Variants in C1orf87 observed in about 807,000 individuals in gnomAD.
C1orf87 encodes the protein uncharacterized protein C1orf87.
C1orf87 carries 58 observed loss-of-function variants against 60.5 expected under a neutral mutation model. That is an observed-to-expected ratio of 0.96 (90% CI 0.78 to 1.19). The LOEUF (loss-of-function observed/expected upper bound fraction) is 1.19, where lower values mean the gene tolerates loss of function less well. Among genes scored for constraint, C1orf87 ranks in the 50% most tolerant of loss-of-function variants. The pLI is 0.00. For synonymous variants in C1orf87, 236 were observed against 227.4 expected (o/e 1.04, Z -0.34); for missense variants, 673 against 638.6 (o/e 1.05, Z -0.58).
At chr1:60,067,267 T>C (rs1645553186) in intron 2 of C1orf87, among the ~76,000 whole-genome samples, 1 of 152,162 alleles carries the variant, frequency 6.6e-6, no homozygotes, top group Admixed American at 6.5e-5. Flanking sequence ...TTGAACTAAT[T>C]TACACTCCCA....
At chr1:60,060,152 G>A (rs1447825791) in intron 2 of C1orf87, among the ~76,000 whole-genome samples, 2 of 147,748 alleles carry the variant, frequency 1.4e-5, no homozygotes, top group East Asian at 3.9e-4. Context: ...TTTAGTCTTC[G>A]AAAAGATCAA....
At chr1:60,027,115 C>G (rs1192551814) in intron 7 of C1orf87, among the ~76,000 whole-genome samples, 2 of 152,194 alleles carry the variant, frequency 1.3e-5, no homozygotes, top group Non-Finnish European at 2.9e-5. Context: ...GAAGCTCAGT[C>G]TAGTGCCTGT....
intron 3 of C1orf87, among the ~76,000 whole-genome samples, chr1:60,050,493 T>C (rs1021673116): frequency 2.6e-5 from 4 of 151,226 alleles, no homozygotes; most frequent in African/African-American, 9.7e-5. Context: ...GTGTTATTGA[T>C]TTTATAACTA....
intron 2 of C1orf87, among the ~76,000 whole-genome samples, chr1:60,070,184 A>C (rs1645574744): frequency 6.6e-6 from 1 of 152,204 alleles, no homozygotes; most frequent in Non-Finnish European, 1.5e-5. Context: ...GCAAGCTAAT[A>C]TAGTGGGCTG....
chr1:60,055,397 T>C lies in C1orf87; in HGVS notation c.149A>G (p.His50Arg). ...TGCATTATCAGTCATTGGTTTCTGGTGCATTGTTTGGGTTTCTGTTTTCAA... is the reference window on the plus strand; with the variant it reads ...TGCATTATCAGTCATTGGTTTCTGGCGCATTGTTTGGGTTTCTGTTTTCAA... Reference protein sequence around the residue: ...DSLKTETQTMHQKPMTDNARQ... With the variant: ...DSLKTETQTMRQKPMTDNARQ... The change falls in exon 3 of 12, where the codon CAC becomes CGC. Residue 50 changes from histidine (H) to arginine (R), a missense_variant. Physicochemically the swap from His to Arg is conservative, Grantham distance 29 (BLOSUM62 0). Coordinates refer to ENST00000371201, the MANE Select transcript of C1orf87 (RefSeq NM_152377.3). The C allele has an allele frequency of 1.2e-6, 2 of 1,614,154 alleles. No individual in the cohort carries two copies. The highest frequency in any genetic ancestry group is 1.7e-6 in the Non-Finnish European group (2 of 1,180,024).
chr1:60,051,831 C>T (rs79818819), intron 3 of C1orf87, among the ~76,000 whole-genome samples: 75 of 152,212 alleles, frequency 4.9e-4, no homozygotes, highest in Admixed American at 3.1e-3. Context: ...TAGAATTTAA[C>T]GGAATCTGTG....
intron 8 of C1orf87, among the ~76,000 whole-genome samples, chr1:60,021,494 G>A: frequency 6.6e-6 from 1 of 152,022 alleles, no homozygotes; most frequent in Middle Eastern, 3.2e-3. Flanking sequence ...CATGAGATAG[G>A]GACTGGGAAG....
In C1orf87 at chr1:60,045,605, A is replaced by G. The variant is rs77504890; in HGVS notation, c.343-4474T>C. Among the ~76,000 whole-genome samples, 438 of 152,342 alleles carry G rather than the reference A, an allele frequency of 2.9e-3. 9 individuals carry two copies. In the East Asian group the frequency reaches 0.061, roughly 21 times the overall value. ...ATTTATCCCCACATTACCCTCCACC[A>G]GAGATGAAGTGAGCCCAGACAGTGT... On this transcript the variant is annotated intron_variant, in intron 3 of 11. Coordinates refer to ENST00000371201, the MANE Select transcript of C1orf87 (RefSeq NM_152377.3).
intron 3 of C1orf87, among the ~76,000 whole-genome samples, chr1:60,052,076 C>T (rs755604611): frequency 2.0e-5 from 3 of 152,188 alleles, no homozygotes; most frequent in Non-Finnish European, 4.4e-5. Context: ...TGTGCCTTTA[C>T]CTACCTTGCA....
At chr1:60,026,780 C>CA in intron 7 of C1orf87, among the ~76,000 whole-genome samples, 1 of 152,068 alleles carries the variant, frequency 6.6e-6, no homozygotes, top group Non-Finnish European at 1.5e-5. Flanking sequence ...TCCAAAAATC[C>CA]AAAATCTGAA....
chr1:60,056,585 C>T (rs1645458387), intron 2 of C1orf87, among the ~76,000 whole-genome samples: 1 of 152,168 alleles, frequency 6.6e-6, no homozygotes, highest in Non-Finnish European at 1.5e-5. Flanking sequence ...ATTGTCTCAA[C>T]TGTGTAAAAG....
Position 60,060,171 on chromosome 1 carries a change from G to A in C1orf87, c.108-4733C>T, listed in dbSNP as rs187781535. Among the ~76,000 whole-genome samples the A allele has an allele frequency of 6.5e-4, 97 of 149,838 alleles. 1 individual carries two copies. The highest frequency in any genetic ancestry group is 2.4e-3 in the African/African-American group (96 of 40,796). ...GTCTTCGAAAAGATCAAAAAAATAT[G>A]TTCATTCAACTCCTGAACCTATACT... On this transcript the variant is annotated intron_variant, in intron 2 of 11. Coordinates refer to ENST00000371201, the MANE Select transcript of C1orf87 (RefSeq NM_152377.3).
intron 11 of C1orf87, among the ~76,000 whole-genome samples, chr1:59,991,736 T>C (rs1644924966): frequency 6.6e-6 from 1 of 152,190 alleles, no homozygotes; most frequent in South Asian, 2.1e-4. Context: ...CAGGATATGC[T>C]CTGGTACCCA....
chr1:60,007,981 A>G (rs1645057954), intron 9 of C1orf87, among the ~76,000 whole-genome samples: 1 of 152,050 alleles, frequency 6.6e-6, no homozygotes, highest in Non-Finnish European at 1.5e-5. Context: ...CTTCACTTTG[A>G]TAACATTTAC....
intron 6 of C1orf87, 106 bp downstream of exon 6, chr1:60,037,886 C>T (rs1031544595): frequency 1.6e-6 from 1 of 607,354 alleles, no homozygotes; most frequent in African/African-American, 1.8e-5. Context: ...GTGATTCATA[C>T]ATTTATATTC....
intron 7 of C1orf87, among the ~76,000 whole-genome samples, chr1:60,029,318 C>G (rs1175982031): frequency 6.6e-6 from 1 of 152,172 alleles, no homozygotes; most frequent in Admixed American, 6.5e-5. Context: ...ATTGAAACAG[C>G]CTTCTAAAAG....
intron 2 of C1orf87, among the ~76,000 whole-genome samples, chr1:60,064,554 T>A: frequency 7.9e-6 from 1 of 126,320 alleles, no homozygotes; most frequent in Admixed American, 1.0e-4. Context: ...ATATATATTT[T>A]ATATATATAA....
In C1orf87 at chr1:60,041,445, G is replaced by T. The variant is rs565721614; in HGVS notation, c.343-314C>A. Among the ~76,000 whole-genome samples, 6 of 152,268 alleles carry T rather than the reference G, an allele frequency of 3.9e-5. No individual in the cohort carries two copies. In the South Asian group the frequency reaches 1.2e-3, roughly 32 times the overall value. On this transcript the variant is annotated intron_variant, in intron 3 of 11. Coordinates refer to ENST00000371201, the MANE Select transcript of C1orf87 (RefSeq NM_152377.3). ...CATAAGGTGTTTATAGGCAAATGTGGGGTTCTTATTAGAGATAAGGGTATC... is the reference window on the plus strand; with the variant it reads ...CATAAGGTGTTTATAGGCAAATGTGTGGTTCTTATTAGAGATAAGGGTATC...
intron 2 of C1orf87, among the ~76,000 whole-genome samples, chr1:60,071,141 A>C (rs1645581600): frequency 6.6e-6 from 1 of 152,192 alleles, no homozygotes; most frequent in Non-Finnish European, 1.5e-5. Flanking sequence ...CTAGGCATAG[A>C]ATATAAAAGG....
Sources: allele counts gnomAD v4.1 joint callset (sites outside exome capture counted in the v4.1 genomes callset), GRCh38; gene constraint gnomAD v4.1.1; transcripts MANE v1.5; gene names NCBI Gene and HGNC (gene_info 2026-07-23, HGNC 2026-07-21).